LIFR: variants seen among roughly 807,000 people sequenced by gnomAD.
LIFR encodes leukemia inhibitory factor receptor.
Under a neutral mutation model 122.2 loss-of-function variants are expected in LIFR, and 84 were observed. The ratio of observed to expected loss-of-function variants is 0.69; its 90% CI spans 0.58 to 0.82. The LOEUF (loss-of-function observed/expected upper bound fraction) is 0.82. Ranked by LOEUF, LIFR falls within the 40% of genes least tolerant of loss-of-function variation. The probability of loss-of-function intolerance (pLI) is 0.00; values close to 1 mark genes in which losing one functional copy is unlikely to be tolerated. For missense variants in LIFR, 1,294 were observed against 1,311.6 expected, an observed-to-expected ratio of 0.99 and a Z score of 0.21; for synonymous variants, 422 against 434.7, an observed-to-expected ratio of 0.97 and a Z score of 0.36.
rs79252297 is a variant in LIFR at position 38,604,211 on chromosome 5, T to C, written n.305+1994A>G. Among the ~76,000 whole-genome samples, 1,167 of 152,270 alleles carry C rather than the reference T, an allele frequency of 7.7e-3. 95 individuals carry two copies. The East Asian group carries it at 0.18, about 24-fold the overall frequency. Reference sequence around the variant, plus strand: ...CTGAGGCTGAGCTGGGCAGAACTTTTCTTCGCTGCCTCTATCTAGAAGAAA... The same window carrying C: ...CTGAGGCTGAGCTGGGCAGAACTTTCCTTCGCTGCCTCTATCTAGAAGAAA... On this transcript the variant is annotated intron_variant and non_coding_transcript_variant, in intron 2 of 3. Coordinates refer to the LIFR transcript ENST00000507786.
At chr5:38,491,199 G>C (rs976578609) in intron 14 of LIFR, among the ~76,000 whole-genome samples, 2 of 152,172 alleles carry the variant, frequency 1.3e-5, no homozygotes, top group African/African-American at 2.4e-5. Flanking sequence ...AGGACATAGA[G>C]GTACTTCCAA....
chr5:38,571,764 C>T (rs1477353060), intron 1 of LIFR, among the ~76,000 whole-genome samples: 1 of 152,142 alleles, frequency 6.6e-6, no homozygotes, highest in African/African-American at 2.4e-5. Flanking sequence ...TCTGGTTAAA[C>T]AACCTTAAAA....
Position 38,478,357 on chromosome 5 carries a change from T to G in LIFR, c.*3238A>C. ...TGGAAAATGAGGTTGATACTTCCTC[T>G]CTTAAGCTTCTCAGTGAATGGCTGC... On this transcript the variant is annotated 3_prime_UTR_variant, in exon 20 of 20. Coordinates refer to ENST00000453190, the MANE Select transcript of LIFR (RefSeq NM_001127671.2). 1 of 205,690 alleles carries G rather than the reference T, an allele frequency of 4.9e-6. No homozygotes were observed. Among genetic ancestry groups the G allele is most frequent in the Non-Finnish European group, 1.0e-5 (1 of 100,280 alleles). The allele number at this position is 205,690 out of a possible 1,614,324, so 12.7% of individuals were successfully genotyped here. A position where few individuals can be genotyped will look rare whatever the true frequency, so the allele number is the denominator to read the frequency against.
chr5:38,572,911 G>A (rs527287733), intron 1 of LIFR, among the ~76,000 whole-genome samples: 1 of 152,194 alleles, frequency 6.6e-6, no homozygotes, highest in African/African-American at 2.4e-5. Flanking sequence ...TACACACTAC[G>A]AAACAGTTCA....
intron 3 of LIFR, among the ~76,000 whole-genome samples, chr5:38,527,909 T>G (rs898617579): frequency 6.6e-6 from 1 of 152,220 alleles, no homozygotes; most frequent in Non-Finnish European, 1.5e-5. Context: ...TACAAATGTT[T>G]ACTTTACTGA....
intron 1 of LIFR, among the ~76,000 whole-genome samples, chr5:38,542,878 C>A (rs751882857): frequency 6.6e-6 from 1 of 151,972 alleles, no homozygotes; most frequent in Non-Finnish European, 1.5e-5. Context: ...GTTCTCAGGT[C>A]GTAATGCATA....
At position 38,589,825 on chromosome 5, in the gene LIFR, G is replaced by C. The variant is rs1375186204; in HGVS notation, c.-20+5436C>G. Among the ~76,000 whole-genome samples, 4 of 151,696 alleles carry C rather than the reference G, an allele frequency of 2.6e-5. No homozygotes were observed. In the East Asian group the frequency reaches 7.7e-4, roughly 29 times the overall value. On this transcript the variant is annotated intron_variant, in intron 1 of 19. Transcript: ENST00000263409. ...AAGGGAGTCCCTAGAGAAAGGAAAAGCCCTTAGCTACATTTCCCAGATTTG... is the reference window on the plus strand; with the variant it reads ...AAGGGAGTCCCTAGAGAAAGGAAAACCCCTTAGCTACATTTCCCAGATTTG...
chr5:38,524,684 C>A (rs1024040958), intron 4 of LIFR, among the ~76,000 whole-genome samples: 2 of 152,066 alleles, frequency 1.3e-5, no homozygotes, highest in African/African-American at 4.8e-5. Context: ...GAAGAAGACA[C>A]CATGGAGTCA....
rs1201639320 is a variant in LIFR, at chr5:38,479,606, C to T, written c.*1989G>A. The T allele has an allele frequency of 4.3e-6, 1 of 230,458 alleles. No homozygotes were observed. Among genetic ancestry groups the T allele is most frequent in the Non-Finnish European group, 8.6e-6 (1 of 116,396 alleles). The allele number at this position is 230,458 out of a possible 1,614,324, so 14.3% of individuals were successfully genotyped here. ...GCAATAAACTTTTACTGTAGCCACACTTATCCTTGTCCTGGAGAGATAAAG... is the reference window on the plus strand; with the variant it reads ...GCAATAAACTTTTACTGTAGCCACATTTATCCTTGTCCTGGAGAGATAAAG... On this transcript the variant is annotated 3_prime_UTR_variant, in exon 20 of 20. Coordinates refer to ENST00000453190, the MANE Select transcript of LIFR (RefSeq NM_001127671.2).
At chr5:38,567,820 C>T (rs182673293) in intron 1 of LIFR, among the ~76,000 whole-genome samples, 111 of 152,210 alleles carry the variant, frequency 7.3e-4, no homozygotes, top group African/African-American at 2.6e-3. Context: ...TGAGCCACCA[C>T]CTGGCCCAAC....
At chr5:38,507,160 G>A (rs1745529732) in intron 7 of LIFR, among the ~76,000 whole-genome samples, 2 of 152,026 alleles carry the variant, frequency 1.3e-5, no homozygotes, top group Admixed American at 1.3e-4. Flanking sequence ...CAAACTGACT[G>A]CGGCTCTTTT....
At chr5:38,503,468 A>T (rs1375384633) in intron 10 of LIFR, among the ~76,000 whole-genome samples, 5 of 152,322 alleles carry the variant, frequency 3.3e-5, no homozygotes, top group Non-Finnish European at 5.9e-5. Context: ...TCTAGACATC[A>T]GTAAATTTCC....
intron 16 of LIFR, among the ~76,000 whole-genome samples, chr5:38,487,704 G>T (rs1262432082): frequency 1.3e-5 from 2 of 152,102 alleles, no homozygotes; most frequent in Admixed American, 1.3e-4. Flanking sequence ...CTTTTTGCCA[G>T]GGGTAACTGA....
chr5:38,564,520 C>T (rs1748941888), intron 1 of LIFR, among the ~76,000 whole-genome samples: 2 of 151,630 alleles, frequency 1.3e-5, no homozygotes, highest in Non-Finnish European at 1.5e-5. Flanking sequence ...CCCAGTCCCC[C>T]ATGACTGGAT....
chr5:38,515,300 C>G (rs1292246819), intron 5 of LIFR, among the ~76,000 whole-genome samples: 2 of 151,902 alleles, frequency 1.3e-5, no homozygotes, highest in African/African-American at 4.8e-5. Flanking sequence ...TGTGAGCCTT[C>G]TGTGAATAAG....
At chr5:38,507,333 G>A (rs1027557084) in intron 7 of LIFR, among the ~76,000 whole-genome samples, 2 of 151,786 alleles carry the variant, frequency 1.3e-5, no homozygotes, top group African/African-American at 4.8e-5. Flanking sequence ...GGAGGCCAAG[G>A]TGGGCAAATC....
At chr5:38,528,982 T>G (rs63122562) in intron 2 of LIFR, 142 bp from the exon 3 acceptor site, 29 of 315,856 alleles carry the variant, frequency 9.2e-5, no homozygotes, top group Non-Finnish European at 1.7e-4. Context: ...AGAGCCCATG[T>G]TTTTTTTTTT....
chr5:38,579,176 A>C (rs1158681830), intron 1 of LIFR: 1 of 152,208 alleles, frequency 6.6e-6, no homozygotes, highest in Admixed American at 6.5e-5. Context: ...TGTCAGAACA[A>C]ACTTTGGGAC....
At position 38,477,712 on chromosome 5, in the gene LIFR, G is replaced by A. The variant is rs924898043; in HGVS notation, c.*3883C>T. 6 of 218,050 alleles carry A rather than the reference G, an allele frequency of 2.8e-5. No homozygotes were observed. The highest frequency in any genetic ancestry group is 5.5e-5 in the Non-Finnish European group (6 of 108,278). 13.5% of individuals were successfully genotyped at this position (218,050 alleles called of 1,614,324 possible). A position where few individuals can be genotyped will look rare whatever the true frequency, so the allele number is the denominator to read the frequency against. ...CTCAGATCCACACAAGCTAGATTTT[G>A]GTGTGTATCACCCTTCAGGAAAATT... is the stretch of plus-strand genomic sequence containing the variant. On this transcript the variant is annotated 3_prime_UTR_variant, in exon 20 of 20. Transcript: ENST00000453190.
Sources: allele counts gnomAD v4.1 joint callset (sites outside exome capture counted in the v4.1 genomes callset), GRCh38; gene constraint gnomAD v4.1.1; transcripts MANE v1.5; gene names NCBI Gene and HGNC (gene_info 2026-07-23, HGNC 2026-07-21).